JAG1: variants seen among roughly 807,000 people sequenced by gnomAD.
JAG1 encodes the protein protein jagged-1.
A neutral mutation model predicts 148.7 loss-of-function variants in JAG1; 23 were observed. That is an observed-to-expected ratio of 0.15 (90% CI 0.11 to 0.22). The LOEUF is 0.22. Among genes scored for constraint, JAG1 ranks in the 10% least tolerant of loss-of-function variants. The pLI is 1.00. For missense variants in JAG1, 1,054 were observed against 1,611.2 expected (o/e 0.65, Z 5.92); for synonymous variants, 572 against 598.3 (o/e 0.96, Z 0.64).
chr20:10,652,608 C>T lies in JAG1; in HGVS notation c.756-10G>A. On this transcript the variant is annotated splice_polypyrimidine_tract_variant and intron_variant, in intron 5 of 25. Coordinates refer to ENST00000254958, the MANE Select transcript of JAG1 (RefSeq NM_000214.3). ...CCAGCCGTACTGGCACCTGGAGACA[C>T]ACAGCACACCTCCAGGTTAGCCTTT... 1 of 1,613,726 alleles carries T rather than the reference C, an allele frequency of 6.2e-7. No individual in the cohort carries two copies. The highest frequency in any genetic ancestry group is 1.3e-5 in the African/African-American group (1 of 75,046).
chr20:10,643,941 A>G, intron 19 of JAG1, 78 bp from the exon 20 acceptor site: 1 of 1,080,018 alleles, frequency 9.3e-7, no homozygotes, highest in Non-Finnish European at 1.4e-6. Flanking sequence ...ATGTCACCAC[A>G]CCAGTTACAG....
Position 10,645,540 on chromosome 20 carries a change from C to G in JAG1, c.2000-71G>C, listed in dbSNP as rs1037425015. On this transcript the variant is annotated intron_variant, in intron 15 of 25. Transcript: ENST00000254958. This position sits in a 1 kb window ranked among gnomAD's most constrained non-coding sequence, Gnocchi z 6.1. The stretch of plus-strand genomic sequence containing the variant: ...CATTCACGACAGGCGAGAGCCAAGC[C>G]TTTCCTACTGCTTACATCCAACATC... 8 of 1,165,192 alleles carry G rather than the reference C, an allele frequency of 6.9e-6. No homozygotes were observed. The highest frequency in any genetic ancestry group is 9.0e-6 in the Non-Finnish European group (7 of 777,452). The allele number at this position is 1,165,192 out of a possible 1,614,324, so 72.2% of individuals were successfully genotyped here.
chr20:10,651,801 T>C, intron 7 of JAG1, 107 bp from the exon 8 acceptor site: 1 of 767,124 alleles, frequency 1.3e-6, no homozygotes, highest in South Asian at 1.5e-5. Flanking sequence ...CAAGCATATT[T>C]CAAAAACCAA....
chr20:10,645,781 C>A lies in JAG1; in HGVS notation c.1999+190G>T. The A allele has an allele frequency of 1.6e-6, 1 of 635,528 alleles. No homozygotes were observed. Among genetic ancestry groups the A allele is most frequent in the Non-Finnish European group, 2.8e-6 (1 of 357,544 alleles). The allele number at this position is 635,528 out of a possible 1,614,324, so 39.4% of individuals were successfully genotyped here. A position where few individuals can be genotyped will look rare whatever the true frequency, so the allele number is the denominator to read the frequency against. ...TAATTCTATAGGTCCTCAGCAGAAGCTCCTCCCCATAAGCTATCATCAGGA... is the reference window on the plus strand; with the variant it reads ...TAATTCTATAGGTCCTCAGCAGAAGATCCTCCCCATAAGCTATCATCAGGA... On this transcript the variant is annotated intron_variant, in intron 15 of 25. Transcript: ENST00000254958. The surrounding 1 kb of genome is among the most constrained non-coding windows in gnomAD (Gnocchi z 6.1).
Position 10,640,013 on chromosome 20 carries a change from C to T in JAG1, c.3200-58G>A, listed in dbSNP as rs933422859. ...CAAGAAAGAAAGAAAAAAGCATCAT[C>T]GCAGGAACAAAAGAATACCAACAGT... On this transcript the variant is annotated intron_variant, in intron 25 of 25. Transcript: ENST00000254958. 4.7e-5 allele frequency: 64 copies of T among 1,367,410 alleles called. 1 individual carries two copies. Among genetic ancestry groups the T allele is most frequent in the Non-Finnish European group, 5.9e-5 (57 of 969,490 alleles). The allele number at this position is 1,367,410 out of a possible 1,614,324, so 84.7% of individuals were successfully genotyped here. A position where few individuals can be genotyped will look rare whatever the true frequency, so the allele number is the denominator to read the frequency against.
In JAG1 at chr20:10,672,872, G is replaced by A; in HGVS notation, c.216C>T (p.Asp72=). 1 of 1,613,360 alleles carries A rather than the reference G, an allele frequency of 6.2e-7. No homozygotes were observed. Among genetic ancestry groups the A allele is most frequent in the South Asian group, 1.1e-5 (1 of 91,088 alleles). ...CCTTGAGGCACACTTTGAAGTATGT[G>A]TCACACTCGTCGCGGGTGCACTTGC... ...GDRKCTRDEC[D]TYFKVCLKEY... is the part of the protein sequence containing the mutation. Residue 72 remains aspartate (D), a synonymous_variant, in exon 2 of 26, where the codon GAC becomes GAT. Transcript: ENST00000254958.
intron 3 of JAG1, among the ~76,000 whole-genome samples, chr20:10,661,899 C>T (rs2067419832): frequency 6.6e-6 from 1 of 152,132 alleles, no homozygotes; most frequent in Non-Finnish European, 1.5e-5. Context: ...GGTATGGATG[C>T]TAACAGAGAG....
rs2067303341 is a variant in JAG1 at position 10,645,564 on chromosome 20, T to C, written c.2000-95A>G. On this transcript the variant is annotated intron_variant, in intron 15 of 25. Coordinates refer to ENST00000254958, the MANE Select transcript of JAG1 (RefSeq NM_000214.3). This position sits in a 1 kb window ranked among gnomAD's most constrained non-coding sequence, Gnocchi z 6.1. Reference sequence around the variant, plus strand: ...CCTTTCCTACTGCTTACATCCAACATCCTATTCTGAGAACAGCCACAGTCG... The same window carrying C: ...CCTTTCCTACTGCTTACATCCAACACCCTATTCTGAGAACAGCCACAGTCG... 1.0e-6 allele frequency: 1 copy of C among 958,286 alleles called. No homozygotes were observed. Among genetic ancestry groups the C allele is most frequent in the Admixed American group, 1.8e-5 (1 of 55,412 alleles). The allele number at this position is 958,286 out of a possible 1,614,324, so 59.4% of individuals were successfully genotyped here.
In JAG1 at chr20:10,673,165, G is replaced by GAAA; in HGVS notation, c.82-160_82-159insTTT. On this transcript the variant is annotated intron_variant, in intron 1 of 25. Coordinates refer to ENST00000254958, the MANE Select transcript of JAG1 (RefSeq NM_000214.3). The surrounding 1 kb of genome is among the most constrained non-coding windows in gnomAD (Gnocchi z 4.7). ...TTCAAGGACTCAACATGATTCCGGG[G>GAAA]CAAAAAAAAAAAAAAATGCACGAGT... 7 of 584,904 alleles carry GAAA rather than the reference G, an allele frequency of 1.2e-5. No individual in the cohort carries two copies. The highest frequency in any genetic ancestry group is 3.6e-5 in the Admixed American group (1 of 27,638). The allele number at this position is 584,904 out of a possible 1,614,324, so 36.2% of individuals were successfully genotyped here. A position where few individuals can be genotyped will look rare whatever the true frequency, so the allele number is the denominator to read the frequency against.
At chr20:10,646,239 G>GAA (rs2067307502) in intron 14 of JAG1, 155 bp from the exon 15 acceptor site, 1 of 672,626 alleles carries the variant, frequency 1.5e-6, no homozygotes, top group Non-Finnish European at 2.7e-6. Flanking sequence ...TTAGACAGGC[G>GAA]GCTTATCAAG....
At chr20:10,667,983 G>A (rs1458297485) in intron 2 of JAG1, among the ~76,000 whole-genome samples, 1 of 151,618 alleles carries the variant, frequency 6.6e-6, no homozygotes. Flanking sequence ...AGCTGGTAGA[G>A]GACTCTGCAT....
chr20:10,673,486 G>A lies in JAG1; in HGVS notation c.45C>T (p.Ser15=). Residue 15 remains serine, a synonymous_variant, in exon 1 of 26, where the codon AGC becomes AGT. Transcript: ENST00000254958. This position sits in a 1 kb window ranked among gnomAD's most constrained non-coding sequence, Gnocchi z 4.7. ...RTRGRSGRPL[S]LLLALLCALR... is the part of the protein sequence containing the mutation. The stretch of plus-strand genomic sequence containing the variant: ...GGGCACAGAGCAGGGCGAGCAGGAG[G>A]CTTAGGGGGCGCCCGGACCGGCCGC... 7.7e-7 allele frequency: 1 copy of A among 1,301,900 alleles called. No homozygotes were observed. Among genetic ancestry groups the A allele is most frequent in the Non-Finnish European group, 9.8e-7 (1 of 1,018,658 alleles). 80.6% of individuals were successfully genotyped at this position (1,301,900 alleles called of 1,614,324 possible).
At chr20:10,652,338 A>T in intron 6 of JAG1, 88 bp from the exon 7 acceptor site, 1 of 1,600,256 alleles carries the variant, frequency 6.2e-7, no homozygotes, top group Non-Finnish European at 8.5e-7. Context: ...TTTTAAAAAG[A>T]AAAACCAGAA....
chr20:10,648,901 C>T, intron 11 of JAG1, 160 bp downstream of exon 11: 1 of 876,454 alleles, frequency 1.1e-6, no homozygotes, highest in South Asian at 1.5e-5. Context: ...AAATGACTCC[C>T]ACGAGGCTGG....
rs776251575 is a variant in JAG1, at chr20:10,672,828, G to A, written c.260C>T (p.Thr87Met). The change falls in exon 2 of 26, where the codon ACG becomes ATG. Residue 87 changes from threonine to methionine, a missense_variant. Thr to Met is a moderately conservative substitution (Grantham distance 81). This residue lies in a region of JAG1 where 151 missense variants were observed against 211.1 expected (regional missense o/e 0.72). Coordinates refer to ENST00000254958, the MANE Select transcript of JAG1 (RefSeq NM_000214.3). Reference protein sequence around the residue: ...VCLKEYQSRVTAGGPCSFGSG... With the variant: ...VCLKEYQSRVMAGGPCSFGSG... Reference sequence around the variant, plus strand: ...GCCGAAGCTGCAGGGCCCCCCGGCCGTGACGCGGGACTGATACTCCTTGAG... The same window carrying A: ...GCCGAAGCTGCAGGGCCCCCCGGCCATGACGCGGGACTGATACTCCTTGAG... 1 of 1,613,256 alleles carries A rather than the reference G, an allele frequency of 6.2e-7. No homozygotes were observed. Among genetic ancestry groups the A allele is most frequent in the Non-Finnish European group, 8.5e-7 (1 of 1,180,030 alleles).
Position 10,638,683 on chromosome 20 carries a change from ATTG to A in JAG1, c.*812_*814del, listed in dbSNP as rs1394171070. 1 of 152,620 alleles carries A rather than the reference ATTG, an allele frequency of 6.6e-6. No homozygotes were observed. The highest frequency in any genetic ancestry group is 1.5e-5 in the Non-Finnish European group (1 of 68,032). The allele number at this position is 152,620 out of a possible 1,614,324, so 9.5% of individuals were successfully genotyped here. On this transcript the variant is annotated 3_prime_UTR_variant, in exon 26 of 26. Transcript: ENST00000254958. ...TATTCTGGGCACAGAAGCCCATCCT[ATTG>A]TTTTAAAATAAACTATTTTCAAACA...
At chr20:10,661,920 G>A (rs2067420088) in intron 3 of JAG1, among the ~76,000 whole-genome samples, 1 of 152,206 alleles carries the variant, frequency 6.6e-6, no homozygotes, top group African/African-American at 2.4e-5. Context: ...GGGGTACACA[G>A]ATCGCCTTCT....
rs964839750 is a variant in JAG1, at chr20:10,638,798, A to G, written c.*700T>C. 2 of 152,750 alleles carry G rather than the reference A, an allele frequency of 1.3e-5. No homozygotes were observed. The highest frequency in any genetic ancestry group is 4.1e-4 in the South Asian group (2 of 4,838). 9.5% of individuals were successfully genotyped at this position (152,750 alleles called of 1,614,324 possible). ...CTTACAATGCTATCAAAAACCTTCAATTCTAAACACATACATATAAATAAA... is the reference window on the plus strand; with the variant it reads ...CTTACAATGCTATCAAAAACCTTCAGTTCTAAACACATACATATAAATAAA... On this transcript the variant is annotated 3_prime_UTR_variant, in exon 26 of 26. Transcript: ENST00000254958.
intron 3 of JAG1, among the ~76,000 whole-genome samples, chr20:10,661,766 C>T (rs1451632700): frequency 6.6e-6 from 1 of 152,110 alleles, no homozygotes; most frequent in Non-Finnish European, 1.5e-5. Context: ...TAAAGGTGGA[C>T]CAGACGAAGG....
Sources: gnomAD v4.1 joint callset for allele counts (sites outside exome capture counted in the v4.1 genomes callset) on GRCh38, gnomAD v4.1.1 for gene constraint, gnomAD v4.1.1 regional missense constraint, Gnocchi (gnomAD v3.1) non-coding constraint, MANE v1.5 for transcripts, NCBI Gene and HGNC (gene_info 2026-07-23, HGNC 2026-07-21) for gene names.